MSI2: variants seen among roughly 807,000 people sequenced by gnomAD.
The protein encoded by MSI2 is RNA-binding protein Musashi homolog 2.
In MSI2, 17 loss-of-function variants were observed where a neutral mutation model predicts 45.6. The observed-to-expected ratio is 0.37, with a 90% CI of 0.26 to 0.56. The LOEUF (loss-of-function observed/expected upper bound fraction) is 0.56. Ranked by LOEUF, MSI2 falls within the 20% of genes least tolerant of loss-of-function variation. The pLI, the probability that MSI2 is intolerant of heterozygous loss-of-function variation, is 0.77. For synonymous variants in MSI2, 156 were observed against 158.2 expected, an observed-to-expected ratio of 0.99 and a Z score of 0.11; for missense variants, 293 against 444.2, an observed-to-expected ratio of 0.66 and a Z score of 3.06.
chr17:57,293,645 G>A, intron 5 of MSI2, among the ~76,000 whole-genome samples: 1 of 119,078 alleles, frequency 8.4e-6, no homozygotes. Context: ...TTTTGCTCTT[G>A]TTGCCCAGGC....
intron 10 of MSI2, among the ~76,000 whole-genome samples, chr17:57,638,485 C>T (rs1910002325): frequency 6.6e-6 from 1 of 152,212 alleles, no homozygotes; most frequent in Non-Finnish European, 1.5e-5. Context: ...GGAGCAGCTG[C>T]ACAGGGTACA....
At chr17:57,378,998 CCT>C (rs1380897502) in intron 5 of MSI2, among the ~76,000 whole-genome samples, 1 of 152,078 alleles carries the variant, frequency 6.6e-6, no homozygotes, top group Non-Finnish European at 1.5e-5. Flanking sequence ...GGTCTGCAGT[CCT>C]CTGACAGGGT....
intron 6 of MSI2, among the ~76,000 whole-genome samples, chr17:57,524,020 G>C (rs922440160): frequency 6.6e-6 from 1 of 152,168 alleles, no homozygotes; most frequent in Non-Finnish European, 1.5e-5. Flanking sequence ...GCTGATCCTG[G>C]CTGGCCTCAC....
At chr17:57,574,760 T>C (rs2087971596) in intron 7 of MSI2, among the ~76,000 whole-genome samples, 1 of 152,166 alleles carries the variant, frequency 6.6e-6, no homozygotes, top group South Asian at 2.1e-4. Context: ...TTCATCAGTC[T>C]TAAGAGATGA....
chr17:57,696,903 T>A, the MSI2 span, among the ~76,000 whole-genome samples: 12 of 152,274 alleles, frequency 7.9e-5, no homozygotes, highest in Admixed American at 3.3e-4. Flanking sequence ...TAGACTCTCC[T>A]CTTTTACATT....
intron 6 of MSI2, among the ~76,000 whole-genome samples, chr17:57,466,714 G>A (rs1236480649): frequency 2.6e-5 from 4 of 152,210 alleles, no homozygotes; most frequent in African/African-American, 7.2e-5. Flanking sequence ...ATATTCAGGA[G>A]TGTCCCACAG....
chr17:57,407,980 C>G lies in MSI2; in HGVS notation c.405+6509C>G, dbSNP rs568963790. ...CAGGAGAATCCTGCTTCCTCTGCCT[C>G]CTCCACCTTCTAGGCCAGGTGGCAG... On this transcript the variant is annotated intron_variant, in intron 6 of 13. Transcript: ENST00000284073. The surrounding 1 kb of genome is among the most constrained non-coding windows in gnomAD (Gnocchi z 4.1). 3.9e-5 allele frequency among the ~76,000 whole-genome samples: 6 copies of G among 152,306 alleles called. No individual in the cohort carries two copies. The highest frequency in any genetic ancestry group is 1.4e-4 in the African/African-American group (6 of 41,548).
chr17:57,430,210 A>T (rs2084569806), intron 6 of MSI2, among the ~76,000 whole-genome samples: 1 of 152,246 alleles, frequency 6.6e-6, no homozygotes, highest in Non-Finnish European at 1.5e-5. Flanking sequence ...AACTCACCTC[A>T]AAGTGAAGTG....
At chr17:57,439,603 G>T (rs11653785) in intron 6 of MSI2, among the ~76,000 whole-genome samples, 1 of 150,322 alleles carries the variant, frequency 6.7e-6, no homozygotes. Context: ...CTGTCGCTCA[G>T]GCTGGAGTGC....
intron 5 of MSI2, among the ~76,000 whole-genome samples, chr17:57,291,557 A>G (rs185216388): frequency 2.2e-3 from 341 of 152,334 alleles, no homozygotes; most frequent in African/African-American, 7.9e-3. Context: ...TTGGGTCTTA[A>G]TAAGGCTTAT....
chr17:57,505,968 A>G (rs1465579858), intron 6 of MSI2, among the ~76,000 whole-genome samples: 16 of 152,192 alleles, frequency 1.1e-4, no homozygotes. Flanking sequence ...TCCACTGCTC[A>G]GGCTCTCCCT....
chr17:57,295,954 T>G (rs904572873), intron 5 of MSI2, among the ~76,000 whole-genome samples: 7 of 150,610 alleles, frequency 4.6e-5, no homozygotes, highest in Non-Finnish European at 8.8e-5. Context: ...AGAAGAATTT[T>G]CTTTACAAAG....
chr17:57,345,501 A>C (rs1158242175), intron 5 of MSI2, among the ~76,000 whole-genome samples: 1 of 152,162 alleles, frequency 6.6e-6, no homozygotes, highest in Admixed American at 6.5e-5. Context: ...GTAGTGTAGC[A>C]TATACTCTTT....
At chr17:57,647,994 G>A (rs904583990) in intron 10 of MSI2, among the ~76,000 whole-genome samples, 10 of 151,680 alleles carry the variant, frequency 6.6e-5, no homozygotes, top group African/African-American at 1.9e-4. Flanking sequence ...ACAGAGTCTT[G>A]CTCTCTCACC....
At chr17:57,293,455 C>A (rs965525662) in intron 5 of MSI2, among the ~76,000 whole-genome samples, 2 of 152,210 alleles carry the variant, frequency 1.3e-5, no homozygotes, top group Non-Finnish European at 2.9e-5. Flanking sequence ...CTCCTCCTCA[C>A]GCTGCAACAG....
chr17:57,439,409 G>A (rs1285606153), intron 6 of MSI2, among the ~76,000 whole-genome samples: 1 of 152,164 alleles, frequency 6.6e-6, no homozygotes, highest in Admixed American at 6.5e-5. Flanking sequence ...CTTGGCTGTT[G>A]GTAGAGATTA....
At chr17:57,509,347 C>T (rs924364369) in intron 6 of MSI2, among the ~76,000 whole-genome samples, 5 of 152,080 alleles carry the variant, frequency 3.3e-5, no homozygotes, top group African/African-American at 1.2e-4. Context: ...AATTTGTGTG[C>T]GTTATGCCGC....
rs578169481 is a variant in MSI2, at chr17:57,377,082, A to G, written c.313-24297A>G. ...ACTACAGGCGCCCGCCACCACGCCC[A>G]GCTAATTTTTTGTATTTTTAGTAGA... On this transcript the variant is annotated intron_variant, in intron 5 of 13. Transcript: ENST00000284073. Among the ~76,000 whole-genome samples, 715 of 152,056 alleles carry G rather than the reference A, an allele frequency of 4.7e-3. 4 individuals carry two copies. Among genetic ancestry groups the G allele is most frequent in the South Asian group, 0.021 (99 of 4,790 alleles).
At chr17:57,509,244 A>G (rs2086299919) in intron 6 of MSI2, among the ~76,000 whole-genome samples, 1 of 152,148 alleles carries the variant, frequency 6.6e-6, no homozygotes, top group South Asian at 2.1e-4. Context: ...TGAGGGGGAA[A>G]TTTCAGCCGT....
Sources: allele counts gnomAD v4.1 joint callset (sites outside exome capture counted in the v4.1 genomes callset), GRCh38; gene constraint gnomAD v4.1.1; non-coding constraint Gnocchi (gnomAD v3.1); transcripts MANE v1.5; gene names NCBI Gene and HGNC (gene_info 2026-07-23, HGNC 2026-07-21).